Variants in SRBD1 observed in about 807,000 individuals in gnomAD.
The protein encoded by SRBD1 is S1 RNA binding domain 1.
SRBD1 carries 88 observed loss-of-function variants against 115.3 expected under a neutral mutation model. The ratio of observed to expected loss-of-function variants is 0.76; its 90% CI spans 0.64 to 0.91. The LOEUF (loss-of-function observed/expected upper bound fraction) is 0.91. SRBD1 is among the 40% of genes least tolerant of loss of function. The pLI, the probability that SRBD1 is intolerant of heterozygous loss-of-function variation, is 0.00. For synonymous variants in SRBD1, 509 were observed against 407.7 expected, an observed-to-expected ratio of 1.25 and a Z score of -2.99; for missense variants, 1,385 against 1,177.4, an observed-to-expected ratio of 1.18 and a Z score of -2.58.
chr2:45,433,886 C>T (rs187625560), intron 16 of SRBD1, among the ~76,000 whole-genome samples: 7 of 152,242 alleles, frequency 4.6e-5, no homozygotes, highest in Non-Finnish European at 8.8e-5. Context: ...TTTGTAGATG[C>T]ATAAACTTGT....
intron 8 of SRBD1, 121 bp from the exon 9 acceptor site, chr2:45,573,463 A>T: frequency 8.8e-7 from 1 of 1,133,714 alleles, no homozygotes; most frequent in Non-Finnish European, 1.2e-6. Flanking sequence ...TTTTTTAATG[A>T]TGCCCAGCTA....
At chr2:45,551,091 C>G (rs762332130) in intron 12 of SRBD1, 34 bp downstream of exon 12, 1 of 1,561,344 alleles carries the variant, frequency 6.4e-7, no homozygotes, top group African/African-American at 1.4e-5. Flanking sequence ...ACCAACCAAA[C>G]AACTTTTACA....
intron 16 of SRBD1, among the ~76,000 whole-genome samples, chr2:45,454,560 A>G (rs1669095070): frequency 6.6e-6 from 1 of 151,840 alleles, no homozygotes; most frequent in African/African-American, 2.4e-5. Flanking sequence ...AACAAATATC[A>G]GCAGTTTGCA....
At chr2:45,503,948 A>G (rs2103902467) in intron 14 of SRBD1, among the ~76,000 whole-genome samples, 1 of 152,270 alleles carries the variant, frequency 6.6e-6, no homozygotes, top group African/African-American at 2.4e-5. Context: ...AATTTGCAAC[A>G]AGAATCCTTC....
At chr2:45,564,738 T>C (rs1313401188) in intron 9 of SRBD1, among the ~76,000 whole-genome samples, 2 of 152,202 alleles carry the variant, frequency 1.3e-5, no homozygotes, top group African/African-American at 4.8e-5. Context: ...TTAAACTGCA[T>C]GTGTTGACTT....
In SRBD1 at chr2:45,389,329, T is replaced by C; in HGVS notation, c.2969A>G (p.Asp990Gly). The C allele has an allele frequency of 6.2e-7, 1 of 1,613,872 alleles. No individual in the cohort carries two copies. Among genetic ancestry groups the C allele is most frequent in the Non-Finnish European group, 8.5e-7 (1 of 1,179,872 alleles). Residue 990 changes from aspartate to glycine, a missense_variant, in exon 21 of 21, where the codon GAC (aspartate) becomes GGC (glycine). By Grantham distance (94) the Asp-to-Gly change is moderately conservative. Coordinates refer to ENST00000263736, the MANE Select transcript of SRBD1 (RefSeq NM_018079.5). ...GGATACTCATAACACCCGAATGAGG[T>C]CCAGAGTAATCCTAGATCGGGGGAT... ...IDIPRSRITL[D>G]LIRVL
At chr2:45,456,655 C>T (rs935561043) in intron 16 of SRBD1, among the ~76,000 whole-genome samples, 18 of 151,914 alleles carry the variant, frequency 1.2e-4, no homozygotes, top group African/African-American at 4.1e-4. Flanking sequence ...CCCCAAATTA[C>T]ATACAGTTGA....
intron 14 of SRBD1, among the ~76,000 whole-genome samples, chr2:45,538,162 A>G (rs1671823407): frequency 6.6e-6 from 1 of 152,232 alleles, no homozygotes; most frequent in South Asian, 2.1e-4. Flanking sequence ...GATATCAGCT[A>G]CATCACAGCT....
chr2:45,572,300 G>C (rs893619142), intron 9 of SRBD1, among the ~76,000 whole-genome samples: 4 of 152,030 alleles, frequency 2.6e-5, no homozygotes, highest in African/African-American at 9.7e-5. Flanking sequence ...ATAAAAAAAT[G>C]AATGAAATGT....
At chr2:45,567,752 C>T (rs1338872016) in intron 9 of SRBD1, among the ~76,000 whole-genome samples, 1 of 152,092 alleles carries the variant, frequency 6.6e-6, no homozygotes. Flanking sequence ...ATAGGCTGTG[C>T]CAGCTTAGTA....
At chr2:45,485,784 A>G (rs1054920981) in intron 15 of SRBD1, among the ~76,000 whole-genome samples, 1 of 152,228 alleles carries the variant, frequency 6.6e-6, no homozygotes, top group East Asian at 1.9e-4. Context: ...CAGATCTCAC[A>G]TAACGTAAAA....
intron 4 of SRBD1, among the ~76,000 whole-genome samples, chr2:45,589,037 C>A (rs930548147): frequency 3.9e-5 from 6 of 152,144 alleles, no homozygotes; most frequent in African/African-American, 1.4e-4. Context: ...CTGTTCCCTC[C>A]CCCCTCAAGC....
chr2:45,422,742 CG>C (rs1668044765), intron 16 of SRBD1, among the ~76,000 whole-genome samples: 1 of 152,150 alleles, frequency 6.6e-6, no homozygotes, highest in African/African-American at 2.4e-5. Context: ...GTTTATCTAT[CG>C]GCAAAGAGCT....
At chr2:45,449,147 A>G (rs914699145) in intron 16 of SRBD1, among the ~76,000 whole-genome samples, 4 of 152,180 alleles carry the variant, frequency 2.6e-5, no homozygotes, top group African/African-American at 4.8e-5. Context: ...CCAGTTTTCA[A>G]TGATTATAGG....
intron 14 of SRBD1, among the ~76,000 whole-genome samples, chr2:45,538,268 G>C (rs1000492483): frequency 6.6e-6 from 1 of 152,144 alleles, no homozygotes; most frequent in East Asian, 1.9e-4. Context: ...GCCACCCAGA[G>C]GGCCTTACCC....
At chr2:45,408,899 A>G (rs1392280118) in intron 19 of SRBD1, among the ~76,000 whole-genome samples, 1 of 152,186 alleles carries the variant, frequency 6.6e-6, no homozygotes, top group African/African-American at 2.4e-5. Context: ...TATTATAACT[A>G]GATTATGGAA....
chr2:45,422,169 A>T (rs1344422053), intron 16 of SRBD1, among the ~76,000 whole-genome samples: 1 of 152,240 alleles, frequency 6.6e-6, no homozygotes, highest in African/African-American at 2.4e-5. Context: ...CATTAGAATA[A>T]GGGAAACAAG....
At chr2:45,563,084 T>A (rs140790003) in intron 9 of SRBD1, among the ~76,000 whole-genome samples, 170 of 152,284 alleles carry the variant, frequency 1.1e-3, no homozygotes, top group African/African-American at 4.0e-3. Context: ...TTTTTATAAT[T>A]TGAAAAGATA....
intron 16 of SRBD1, among the ~76,000 whole-genome samples, chr2:45,465,283 G>C (rs1041092170): frequency 6.6e-6 from 1 of 152,056 alleles, no homozygotes; most frequent in Non-Finnish European, 1.5e-5. Flanking sequence ...CGGAAAAAAA[G>C]TCTGTACATG....
Sources: allele counts gnomAD v4.1 joint callset (sites outside exome capture counted in the v4.1 genomes callset), GRCh38; gene constraint gnomAD v4.1.1; transcripts MANE v1.5; gene names NCBI Gene and HGNC (gene_info 2026-07-23, HGNC 2026-07-21).